OR52N4: variants seen among roughly 807,000 people sequenced by gnomAD.
The protein encoded by OR52N4 is olfactory receptor 52N4.
Under a neutral mutation model 15.0 loss-of-function variants are expected in OR52N4, and 15 were observed. The observed-to-expected ratio is 1.00, with a 90% CI of 0.67 to 1.54. The LOEUF (loss-of-function observed/expected upper bound fraction) is 1.54. OR52N4 is among the 40% of genes most tolerant of loss of function. The probability of loss-of-function intolerance (pLI) is 0.00; values close to 1 mark genes in which losing one functional copy is unlikely to be tolerated. For missense variants in OR52N4, 421 were observed against 394.0 expected (o/e 1.07, Z -0.58); for synonymous variants, 143 against 143.7 (o/e 1.00, Z 0.03).
At chr11:5,753,210 T>C (rs1226025967), upstream of OR52N4, among the ~76,000 whole-genome samples, 1 of 152,164 alleles carries the variant, frequency 6.6e-6, no homozygotes, top group Admixed American at 6.6e-5. Flanking sequence ...AATAAAGAGT[T>C]GTTCTAATTT....
the OR52N4 span, chr11:5,737,394 C>A: frequency 6.2e-7 from 1 of 1,614,100 alleles, no homozygotes; most frequent in Non-Finnish European, 8.5e-7. Flanking sequence ...ATCATCCCCC[C>A]TTCCCTCAAC....
At chr11:5,729,079 C>T in the OR52N4 span, among the ~76,000 whole-genome samples, 3 of 149,898 alleles carry the variant, frequency 2.0e-5, no homozygotes, top group Non-Finnish European at 4.4e-5. Flanking sequence ...TGATGTTCCC[C>T]TTCCTGTGTC....
the OR52N4 span, chr11:5,736,574 G>C: frequency 6.2e-7 from 1 of 1,613,970 alleles, no homozygotes; most frequent in Non-Finnish European, 8.5e-7. Context: ...CCAGGTCTCT[G>C]AGTTCATCCT....
chr11:5,754,942 C>G lies in OR52N4; in HGVS notation c.202C>G (p.Leu68Val), dbSNP rs1418094039. 1 of 1,613,830 alleles carries G rather than the reference C, an allele frequency of 6.2e-7. No homozygotes were observed. Among genetic ancestry groups the G allele is most frequent in the Non-Finnish European group, 8.5e-7 (1 of 1,179,828 alleles). The part of the protein sequence containing the change: ...HKPMYYFLAM[L>V]SFTDLVMCSS... The stretch of plus-strand genomic sequence containing the variant: ...ACCCATGTACTACTTCTTGGCCATG[C>G]TTTCCTTTACTGACCTTGTTATGTG... The change falls in exon 2 of 2, where the codon CTT becomes GTT. Residue 68 changes from leucine to valine, a missense_variant. Physicochemically the swap from Leu to Val is conservative, Grantham distance 32. Transcript: ENST00000641350.
At chr11:5,727,344 T>C in the OR52N4 span, 11 of 152,648 alleles carry the variant, frequency 7.2e-5, no homozygotes, top group African/African-American at 2.7e-4. Flanking sequence ...CCAATGTTTA[T>C]CTGCTTTTGC....
At position 5,754,975 on chromosome 11, in the gene OR52N4, AC is replaced by A; in HGVS notation, c.236del (p.Thr79LysfsTer64). The stretch of plus-strand genomic sequence containing the variant: ...TACTGACCTTGTTATGTGCTCTAGT[AC>A]AATCCCTAAAGCCCTCTGCATCTTC... ...SFTDLVMCSS[T>X]IPKALCIFWF... On this transcript the variant is annotated frameshift_variant, in exon 2 of 2. Coordinates refer to ENST00000641350, the MANE Select transcript of OR52N4 (RefSeq NM_001005175.5). LOFTEE classifies it high-confidence loss of function. 6.2e-7 allele frequency: 1 copy of A among 1,613,818 alleles called. No individual in the cohort carries two copies.
the OR52N4 span, among the ~76,000 whole-genome samples, chr11:5,749,106 G>A: frequency 6.7e-6 from 1 of 149,224 alleles, no homozygotes; most frequent in Non-Finnish European, 1.5e-5. Context: ...TAGGCTGATA[G>A]CTGTGGATAC....
chr11:5,733,639 C>G, the OR52N4 span, among the ~76,000 whole-genome samples: 1 of 152,096 alleles, frequency 6.6e-6, no homozygotes, highest in Non-Finnish European at 1.5e-5. Flanking sequence ...TTCTCTCCCC[C>G]CACCTCAACT....
At chr11:5,747,604 C>T in the OR52N4 span, among the ~76,000 whole-genome samples, 150,145 of 151,996 alleles carry the variant, frequency 0.99, 74,183 homozygotes, top group Middle Eastern at 1. Context: ...AAAAAAGGAA[C>T]ACAAAAAATC....
chr11:5,732,691 T>C, the OR52N4 span, among the ~76,000 whole-genome samples: 230 of 152,350 alleles, frequency 1.5e-3, 2 homozygotes, highest in African/African-American at 5.1e-3. Context: ...CTAAAACATC[T>C]ATTTGTGCTA....
At chr11:5,747,926 T>C in the OR52N4 span, among the ~76,000 whole-genome samples, 3 of 152,102 alleles carry the variant, frequency 2.0e-5, no homozygotes, top group Non-Finnish European at 1.5e-5. Context: ...ATAACTATTG[T>C]CATGAATAAA....
chr11:5,732,541 C>T, the OR52N4 span, among the ~76,000 whole-genome samples: 2 of 152,086 alleles, frequency 1.3e-5, no homozygotes. Context: ...TCTTTGCCTT[C>T]TTCTTTAAAA....
At chr11:5,745,452 T>C in the OR52N4 span, among the ~76,000 whole-genome samples, 1 of 151,972 alleles carries the variant, frequency 6.6e-6, no homozygotes, top group Non-Finnish European at 1.5e-5. Context: ...TAACAATAAC[T>C]AGAAAAAAAT....
chr11:5,739,289 T>G, the OR52N4 span, among the ~76,000 whole-genome samples: 1 of 127,578 alleles, frequency 7.8e-6, no homozygotes, highest in Admixed American at 7.5e-5. Flanking sequence ...TGGCTTACAC[T>G]TGTAATCCTA....
chr11:5,748,695 A>T, the OR52N4 span, among the ~76,000 whole-genome samples: 1 of 152,044 alleles, frequency 6.6e-6, no homozygotes, highest in Admixed American at 6.6e-5. Flanking sequence ...ATATAAAAAA[A>T]TTTTAAAAAT....
the OR52N4 span, among the ~76,000 whole-genome samples, chr11:5,744,027 C>A: frequency 2.0e-5 from 3 of 151,840 alleles, no homozygotes; most frequent in African/African-American, 7.3e-5. Context: ...AAATCAGAAA[C>A]AATAAAAGTG....
At chr11:5,736,853 A>T in the OR52N4 span, 1 of 1,613,938 alleles carries the variant, frequency 6.2e-7, no homozygotes, top group Non-Finnish European at 8.5e-7. Context: ...GATTTATGCC[A>T]TTCACTTCTT....
chr11:5,740,618 G>A, the OR52N4 span, among the ~76,000 whole-genome samples: 10 of 125,000 alleles, frequency 8.0e-5, 1 homozygote, highest in African/African-American at 2.6e-4. Context: ...GACCAGCCTG[G>A]GCAGTGAGGG....
At chr11:5,752,606 T>C (rs1372225477), upstream of OR52N4, among the ~76,000 whole-genome samples, 1 of 152,202 alleles carries the variant, frequency 6.6e-6, no homozygotes, top group African/African-American at 2.4e-5. Context: ...TGTTTTAACA[T>C]ATTACGTCCT....
Sources: gnomAD v4.1 joint callset for allele counts (sites outside exome capture counted in the v4.1 genomes callset) on GRCh38, gnomAD v4.1.1 for gene constraint, MANE v1.5 for transcripts, NCBI Gene and HGNC (gene_info 2026-07-23, HGNC 2026-07-21) for gene names.